Variants in HARS1 observed in about 807,000 individuals in gnomAD.
HARS1 encodes the protein histidine--tRNA ligase, cytoplasmic.
HARS1 carries 45 observed loss-of-function variants against 63.6 expected under a neutral mutation model. The observed-to-expected ratio is 0.71, with a 90% CI of 0.56 to 0.91. The LOEUF (loss-of-function observed/expected upper bound fraction) is 0.91, where lower values mean the gene tolerates loss of function less well. Ranked by LOEUF, HARS1 falls within the 40% of genes least tolerant of loss-of-function variation. HARS1 has a pLI of 0.00. For missense variants in HARS1, 508 were observed against 643.2 expected (o/e 0.79, Z 2.27); for synonymous variants, 205 against 247.1 (o/e 0.83, Z 1.60).
At chr5:140,677,885 C>T (rs969998390) in intron 6 of HARS1, 23 bp downstream of exon 6, 31 of 1,544,190 alleles carry the variant, frequency 2.0e-5, no homozygotes, top group Non-Finnish European at 2.8e-5. Flanking sequence ...CAACTTTGCC[C>T]TCCCAGCCTT....
rs1453807986 is a variant in HARS1 at position 140,691,266 on chromosome 5, A to C, written c.39T>G (p.Leu13=). ...ERAALEELVK[L]QGERVRGLKQ... ...TGAGGCCTCGCACGCGCTCTCCCTG[A>C]AGTTTCACCAGCTCCTCCAGCGCCG... is the stretch of plus-strand genomic sequence containing the variant. The change falls in exon 1 of 13, where the codon CTT becomes CTG. Residue 13 remains leucine, a synonymous_variant. Transcript: ENST00000504156. The C allele has an allele frequency of 6.8e-6, 11 of 1,608,202 alleles. No homozygotes were observed. The highest frequency in any genetic ancestry group is 9.3e-6 in the Non-Finnish European group (11 of 1,179,516).
At chr5:140,674,603 A>C in intron 12 of HARS1, 76 bp downstream of exon 12, 7 of 1,507,200 alleles carry the variant, frequency 4.6e-6, no homozygotes, top group Non-Finnish European at 5.5e-6. Flanking sequence ...GCTTTTTCTC[A>C]GGTCTTGAAT....
At chr5:140,691,062 C>T in intron 1 of HARS1, 118 bp from the exon 2 acceptor site, 1 of 918,750 alleles carries the variant, frequency 1.1e-6, no homozygotes, top group East Asian at 2.5e-5. Context: ...TTGTTTCTCT[C>T]GGGACCCACC....
At chr5:140,675,224 A>G in intron 10 of HARS1, 91 bp from the exon 11 acceptor site, 1 of 808,662 alleles carries the variant, frequency 1.2e-6, no homozygotes, top group Non-Finnish European at 2.2e-6. Context: ...ACCAGGCCCA[A>G]CTCAGCTCTA....
Position 140,674,142 on chromosome 5 carries a change from T to C in HARS1, c.*115A>G. On this transcript the variant is annotated 3_prime_UTR_variant, in exon 13 of 13. Coordinates refer to ENST00000504156, the MANE Select transcript of HARS1 (RefSeq NM_002109.6). Reference sequence around the variant, plus strand: ...AAATCAAAGGCTCTGTTCTGACCACTCTTCAGGTCTTCCGCTGAAACGGAA... The same window carrying C: ...AAATCAAAGGCTCTGTTCTGACCACCCTTCAGGTCTTCCGCTGAAACGGAA... 1 of 760,984 alleles carries C rather than the reference T, an allele frequency of 1.3e-6. No individual in the cohort carries two copies. Among genetic ancestry groups the C allele is most frequent in the African/African-American group, 1.7e-5 (1 of 58,858 alleles). The allele number at this position is 760,984 out of a possible 1,614,324, so 47.1% of individuals were successfully genotyped here.
Position 140,674,465 on chromosome 5 carries a change from G to C in HARS1, c.1459-137C>G, listed in dbSNP as rs376377838. 18 of 798,734 alleles carry C rather than the reference G, an allele frequency of 2.3e-5. No homozygotes were observed. The African/African-American group carries it at 2.7e-4, about 12-fold the overall frequency. 49.5% of individuals were successfully genotyped at this position (798,734 alleles called of 1,614,324 possible). A position where few individuals can be genotyped will look rare whatever the true frequency, so the allele number is the denominator to read the frequency against. On this transcript the variant is annotated intron_variant, in intron 12 of 12. Transcript: ENST00000504156. ...GAACCTAATTAAACACCTCAGGCTA[G>C]AGTGTGCCTCTTGGGGGAGCCAACA...
chr5:140,684,992 T>C (rs73271594), intron 2 of HARS1: 410 of 152,322 alleles, frequency 2.7e-3, no homozygotes, highest in African/African-American at 9.4e-3. Context: ...TGTCGTGATA[T>C]GTCGTGCTGG....
intron 2 of HARS1, among the ~76,000 whole-genome samples, chr5:140,690,071 CCTTT>C (rs1165790903): frequency 1.3e-5 from 2 of 152,192 alleles, no homozygotes; most frequent in Non-Finnish European, 2.9e-5. Flanking sequence ...CCTCAGTTAG[CCTTT>C]CTCAGACTCC....
chr5:140,687,132 AT>A (rs1290160178), intron 2 of HARS1, among the ~76,000 whole-genome samples: 1 of 152,224 alleles, frequency 6.6e-6, no homozygotes, highest in East Asian at 1.9e-4. Flanking sequence ...TGGCATAAGC[AT>A]TTTCCCTACC....
intron 3 of HARS1, 93 bp downstream of exon 3, chr5:140,683,007 G>T: frequency 8.5e-7 from 1 of 1,179,694 alleles, no homozygotes; most frequent in Non-Finnish European, 1.2e-6. Context: ...AACAGGAGTG[G>T]GCCCTTTGGA....
intron 10 of HARS1, 140 bp from the exon 11 acceptor site, chr5:140,675,273 G>C: frequency 1.5e-6 from 1 of 651,496 alleles, no homozygotes; most frequent in East Asian, 2.5e-5. Flanking sequence ...AGCACCTTGG[G>C]CATAAAGGTA....
chr5:140,681,302 T>C (rs917605819), intron 3 of HARS1, among the ~76,000 whole-genome samples: 1 of 152,130 alleles, frequency 6.6e-6, no homozygotes, highest in African/African-American at 2.4e-5. Flanking sequence ...GGTCTCCAAG[T>C]TGGGCTCTGA....
chr5:140,679,191 C>G lies in HARS1; in HGVS notation c.397-64G>C. 1 of 1,562,780 alleles carries G rather than the reference C, an allele frequency of 6.4e-7. No homozygotes were observed. The highest frequency in any genetic ancestry group is 1.1e-5 in the South Asian group (1 of 88,272). On this transcript the variant is annotated intron_variant, in intron 4 of 12. Coordinates refer to ENST00000504156, the MANE Select transcript of HARS1 (RefSeq NM_002109.6). This position sits in a 1 kb window ranked among gnomAD's most constrained non-coding sequence, Gnocchi z 4.3. ...CTGTCTGCAAGTTGATTATCATCAC[C>G]AACAGAAGCTGGGGTCTAACCCCTC... is the stretch of plus-strand genomic sequence containing the variant.
At position 140,691,229 on chromosome 5, in the gene HARS1, C is replaced by T; in HGVS notation, c.76G>A (p.Ala26Thr). 1 of 1,605,644 alleles carries T rather than the reference C, an allele frequency of 6.2e-7. No homozygotes were observed. The highest frequency in any genetic ancestry group is 1.3e-5 in the African/African-American group (1 of 74,922). Residue 26 changes from alanine (A) to threonine (T), a missense_variant, in exon 1 of 13, where the codon GCC becomes ACC. Physicochemically the swap from Ala to Thr is moderately conservative, Grantham distance 58. Coordinates refer to ENST00000504156, the MANE Select transcript of HARS1 (RefSeq NM_002109.6). ...CTAAATCTCACCAGCTCGGCGCTGGCCTTCTGCTGCTTGAGGCCTCGCACG... is the reference window on the plus strand; with the variant it reads ...CTAAATCTCACCAGCTCGGCGCTGGTCTTCTGCTGCTTGAGGCCTCGCACG... ...ERVRGLKQQK[A>T]SAELIEEEVA...
At chr5:140,682,965 T>C (rs1203971375) in intron 3 of HARS1, 135 bp downstream of exon 3, 14 of 751,874 alleles carry the variant, frequency 1.9e-5, no homozygotes, top group Middle Eastern at 2.6e-4. Context: ...TTGTCCCCCT[T>C]CTTATTGGAG....
rs1464968938 is a variant in HARS1, at chr5:140,674,300, T to C, written c.1487A>G (p.Glu496Gly). 2 of 1,612,314 alleles carry C rather than the reference T, an allele frequency of 1.2e-6. No homozygotes were observed. The highest frequency in any genetic ancestry group is 1.7e-6 in the Non-Finnish European group (2 of 1,178,304). The change falls in exon 13 of 13, where the codon GAG (glutamate) becomes GGG (glycine). Residue 496 changes from glutamate (E) to glycine (G), a missense_variant. Glu to Gly is a moderately conservative substitution (Grantham distance 98). Around this residue, in one of 2 missense-constraint regions of HARS1, gnomAD observed 403 missense variants for 548.7 expected, o/e 0.73. Coordinates refer to ENST00000504156, the MANE Select transcript of HARS1 (RefSeq NM_002109.6). ...CTGGCCTGTTCTCCTTTTGATTTCC[T>C]CCACAAGGTCTTCTCTTCGGACATC... ...EVDVRREDLV[E>G]EIKRRTGQPL...
At position 140,674,790 on chromosome 5, in the gene HARS1, C is replaced by G. The variant is rs1758260962; in HGVS notation, c.1347G>C (p.Leu449=). Residue 449 remains leucine (L), a synonymous_variant, in exon 12 of 13, where the codon CTG becomes CTC. Coordinates refer to ENST00000504156, the MANE Select transcript of HARS1 (RefSeq NM_002109.6). ...ELLYKKNPKL[L]NQLQYCEEAG... is the part of the protein sequence containing the mutation. ...CCTCCTCACAGTACTGTAACTGGTT[C>G]AGTAGCTTTGGGTTCTTCTTGTACA... 1 of 1,614,044 alleles carries G rather than the reference C, an allele frequency of 6.2e-7. No individual in the cohort carries two copies. The highest frequency in any genetic ancestry group is 1.3e-5 in the African/African-American group (1 of 74,898).
intron 2 of HARS1, among the ~76,000 whole-genome samples, chr5:140,689,235 T>C (rs990295718): frequency 4.6e-5 from 7 of 152,170 alleles, no homozygotes; most frequent in Middle Eastern, 6.3e-3. Context: ...ATGTATTAAA[T>C]AGAATCATCC....
In HARS1 at chr5:140,679,275, A is replaced by T; in HGVS notation, c.397-148T>A. The T allele has an allele frequency of 4.3e-6, 3 of 699,512 alleles. No individual in the cohort carries two copies. The highest frequency in any genetic ancestry group is 7.3e-6 in the Non-Finnish European group (3 of 410,354). The allele number at this position is 699,512 out of a possible 1,614,324, so 43.3% of individuals were successfully genotyped here. A position where few individuals can be genotyped will look rare whatever the true frequency, so the allele number is the denominator to read the frequency against. ...ATAGCACTTACAAACATCAGAAAGCATCAGCTGTGCTACCACATGAGGTAG... is the reference window on the plus strand; with the variant it reads ...ATAGCACTTACAAACATCAGAAAGCTTCAGCTGTGCTACCACATGAGGTAG... On this transcript the variant is annotated intron_variant, in intron 4 of 12. Coordinates refer to ENST00000504156, the MANE Select transcript of HARS1 (RefSeq NM_002109.6). The surrounding 1 kb of genome is among the most constrained non-coding windows in gnomAD (Gnocchi z 4.3).
Sources: gnomAD v4.1 joint callset for allele counts (sites outside exome capture counted in the v4.1 genomes callset) on GRCh38, gnomAD v4.1.1 for gene constraint, gnomAD v4.1.1 regional missense constraint, Gnocchi (gnomAD v3.1) non-coding constraint, MANE v1.5 for transcripts, NCBI Gene and HGNC (gene_info 2026-07-23, HGNC 2026-07-21) for gene names.